The following KATNIP variants were observed in gnomAD, a reference collection of about 807,000 sequenced individuals.
The protein encoded by KATNIP is katanin interacting protein, also known as katanin-interacting protein.
A neutral mutation model predicts 174.0 loss-of-function variants in KATNIP; 126 were observed. The observed-to-expected ratio is 0.72, with a 90% CI of 0.63 to 0.84. The LOEUF is 0.84. Ranked by LOEUF, KATNIP falls within the 40% of genes least tolerant of loss-of-function variation. The pLI is 0.00. For synonymous variants in KATNIP, 810 were observed against 835.7 expected (o/e 0.97, Z 0.53); for missense variants, 1,958 against 2,109.7 (o/e 0.93, Z 1.41).
At chr16:27,550,888 G>A (rs1245695638) in intron 1 of KATNIP, among the ~76,000 whole-genome samples, 3 of 152,168 alleles carry the variant, frequency 2.0e-5, no homozygotes, top group Non-Finnish European at 4.4e-5. Flanking sequence ...GGTTTTGAGG[G>A]TCCCTTTATT....
intron 1 of KATNIP, among the ~76,000 whole-genome samples, chr16:27,563,775 G>A (rs542500229): frequency 5.3e-5 from 8 of 151,692 alleles, no homozygotes; most frequent in African/African-American, 1.5e-4. Flanking sequence ...TTGGTCACAT[G>A]CAGTGGCTCA....
In KATNIP at chr16:27,706,536, G is replaced by A. The variant is rs946830906; in HGVS notation, c.1390-2169G>A. ...AATGACAGGGGCCAGGAACTTCCCA[G>A]CCAGTGTCCCCCTCCCACCGCCAAG... On this transcript the variant is annotated intron_variant, in intron 12 of 27. Transcript: ENST00000261588. Among the ~76,000 whole-genome samples, 3 of 152,190 alleles carry A rather than the reference G, an allele frequency of 2.0e-5. No individual in the cohort carries two copies. The South Asian group carries it at 6.2e-4, about 32-fold the overall frequency.
intron 15 of KATNIP, among the ~76,000 whole-genome samples, chr16:27,746,114 G>C (rs1250408218): frequency 6.6e-6 from 1 of 152,052 alleles, no homozygotes; most frequent in East Asian, 1.9e-4. Context: ...ATAGGCGTGA[G>C]CCACCGTGCC....
chr16:27,596,881 G>T (rs1269174918), intron 2 of KATNIP, among the ~76,000 whole-genome samples: 1 of 152,182 alleles, frequency 6.6e-6, no homozygotes, highest in Non-Finnish European at 1.5e-5. Context: ...AAATTGGCTG[G>T]GAGTGGTGGC....
chr16:27,656,891 A>T (rs2077310254), intron 6 of KATNIP, among the ~76,000 whole-genome samples: 1 of 151,360 alleles, frequency 6.6e-6, no homozygotes, highest in Admixed American at 6.6e-5. Context: ...TACATATGTA[A>T]CTAACCTGCA....
At position 27,631,077 on chromosome 16, in the gene KATNIP, G is replaced by A. The variant is rs1279119204; in HGVS notation, c.323G>A (p.Arg108Lys). 1 of 1,570,006 alleles carries A rather than the reference G, an allele frequency of 6.4e-7. No homozygotes were observed. ...HTEGTHDYGR[R>K]TLFREAEEAL... Reference sequence around the variant, plus strand: ...GTCTCTGGTGCAGATTATGGACGAAGAACTCTGTTTCGAGAAGCTGAAGAA... The same window carrying A: ...GTCTCTGGTGCAGATTATGGACGAAAAACTCTGTTTCGAGAAGCTGAAGAA... The change falls in exon 5 of 28, where the codon AGA becomes AAA. Residue 108 changes from arginine to lysine, a missense_variant. Physicochemically the swap from Arg to Lys is conservative, Grantham distance 26. Transcript: ENST00000261588.
In KATNIP at chr16:27,780,137, A is replaced by T. The variant is rs188449565; in HGVS notation, c.*1508A>T. 45 of 152,258 alleles carry T rather than the reference A, an allele frequency of 3.0e-4. No homozygotes were observed. Among genetic ancestry groups the T allele is most frequent in the African/African-American group, 9.4e-4 (39 of 41,540 alleles). The allele number at this position is 152,258 out of a possible 1,614,324, so 9.4% of individuals were successfully genotyped here. ...TGACCCAAACCAGTGCCGCTGCATT[A>T]AAGGGAGGCCCAGCTACTCCTTCCC... On this transcript the variant is annotated 3_prime_UTR_variant, in exon 28 of 28. Coordinates refer to ENST00000261588, the MANE Select transcript of KATNIP (RefSeq NM_015202.5).
intron 1 of KATNIP, among the ~76,000 whole-genome samples, chr16:27,563,118 G>A (rs1407257471): frequency 6.6e-6 from 1 of 152,168 alleles, no homozygotes; most frequent in Non-Finnish European, 1.5e-5. Flanking sequence ...GGTTTCATGG[G>A]GCTTATTTTT....
At chr16:27,716,937 C>T (rs966093005) in intron 13 of KATNIP, among the ~76,000 whole-genome samples, 7 of 152,114 alleles carry the variant, frequency 4.6e-5, no homozygotes, top group African/African-American at 7.2e-5. Flanking sequence ...CTCCACCTCC[C>T]GGGTTCGAGC....
intron 5 of KATNIP, among the ~76,000 whole-genome samples, chr16:27,636,362 T>C (rs1458573120): frequency 1.3e-5 from 2 of 152,212 alleles, no homozygotes; most frequent in African/African-American, 2.4e-5. Context: ...TGTGGTTTAT[T>C]ATCAGATTTA....
intron 8 of KATNIP, among the ~76,000 whole-genome samples, chr16:27,682,405 G>T (rs960106593): frequency 1.3e-5 from 2 of 152,190 alleles, no homozygotes; most frequent in African/African-American, 2.4e-5. Flanking sequence ...TTGTAGCAGG[G>T]GCTACCATGT....
intron 14 of KATNIP, among the ~76,000 whole-genome samples, chr16:27,738,438 C>A (rs2080978108): frequency 6.6e-6 from 1 of 152,126 alleles, no homozygotes; most frequent in Admixed American, 6.5e-5. Flanking sequence ...GGTGTGTATT[C>A]TATTCCCCGA....
At chr16:27,643,191 G>A (rs2076854761) in intron 5 of KATNIP, 1 of 152,244 alleles carries the variant, frequency 6.6e-6, no homozygotes, top group Non-Finnish European at 1.5e-5. Flanking sequence ...CCCATCTTTG[G>A]TTTAGTGTCA....
At chr16:27,693,068 T>C (rs186923274) in intron 8 of KATNIP, among the ~76,000 whole-genome samples, 8 of 152,252 alleles carry the variant, frequency 5.3e-5, no homozygotes, top group Admixed American at 3.9e-4. Context: ...CTTTTTGCAC[T>C]GAGTAAGGAA....
intron 2 of KATNIP, among the ~76,000 whole-genome samples, chr16:27,609,526 G>A (rs1050886012): frequency 1.3e-5 from 2 of 151,524 alleles, no homozygotes; most frequent in African/African-American, 4.9e-5. Flanking sequence ...AAGTAGCTGG[G>A]ACTACAGGCA....
intron 15 of KATNIP, among the ~76,000 whole-genome samples, chr16:27,743,063 T>C (rs776503517): frequency 6.6e-5 from 10 of 152,216 alleles, no homozygotes; most frequent in Non-Finnish European, 1.2e-4. Flanking sequence ...CCTGTATTCA[T>C]GTGTTCTCGT....
chr16:27,682,804 G>A (rs997603362), intron 8 of KATNIP, among the ~76,000 whole-genome samples: 1 of 152,088 alleles, frequency 6.6e-6, no homozygotes, highest in African/African-American at 2.4e-5. Flanking sequence ...ATGTGAAGAG[G>A]TCATGAAGGC....
chr16:27,707,405 C>CT (rs2079361118), intron 12 of KATNIP, among the ~76,000 whole-genome samples: 2 of 152,338 alleles, frequency 1.3e-5, no homozygotes, highest in South Asian at 4.1e-4. Flanking sequence ...AGGAAGGAGG[C>CT]AGGCATTAAA....
chr16:27,629,770 T>A (rs898256553), intron 4 of KATNIP, among the ~76,000 whole-genome samples: 1 of 152,154 alleles, frequency 6.6e-6, no homozygotes, highest in African/African-American at 2.4e-5. Context: ...TCCCAGCACT[T>A]TGGGAGGCCA....
Sources: allele counts gnomAD v4.1 joint callset (sites outside exome capture counted in the v4.1 genomes callset), GRCh38; gene constraint gnomAD v4.1.1; transcripts MANE v1.5; gene names NCBI Gene and HGNC (gene_info 2026-07-23, HGNC 2026-07-21).